Variants in SPTLC1 observed in about 807,000 individuals in gnomAD.
SPTLC1 encodes the protein serine palmitoyltransferase long chain base subunit 1.
SPTLC1 carries 55 observed loss-of-function variants against 68.9 expected under a neutral mutation model. That is an observed-to-expected ratio of 0.80 (90% CI 0.64 to 1.00). The LOEUF is 1.00. SPTLC1 is among the 50% of genes least tolerant of loss of function. The probability of loss-of-function intolerance (pLI) is 0.00; values close to 1 mark genes in which losing one functional copy is unlikely to be tolerated. For synonymous variants in SPTLC1, 197 were observed against 201.6 expected, an observed-to-expected ratio of 0.98 and a Z score of 0.19; for missense variants, 449 against 573.1, an observed-to-expected ratio of 0.78 and a Z score of 2.21.
intron 3 of SPTLC1, among the ~76,000 whole-genome samples, chr9:92,091,156 A>G (rs1420074391): frequency 6.6e-6 from 1 of 152,230 alleles, no homozygotes; most frequent in Non-Finnish European, 1.5e-5. Flanking sequence ...GGGAGGTAAA[A>G]TAATTTGACA....
chr9:92,098,517 A>T (rs1835624379), intron 3 of SPTLC1, among the ~76,000 whole-genome samples: 1 of 152,168 alleles, frequency 6.6e-6, no homozygotes, highest in Non-Finnish European at 1.5e-5. Context: ...ATTTTCTTGT[A>T]GTTTCTGCAA....
At position 92,047,602 on chromosome 9, in the gene SPTLC1, A is replaced by G; in HGVS notation, c.984+11T>C. ...TTTCAGTTTTAGCTCCTGTTTTTAA[A>G]AAGAACCCACCTGATGGTCAATTAC... On this transcript the variant is annotated intron_variant, in intron 10 of 14. Transcript: ENST00000262554. 6.3e-7 allele frequency: 1 copy of G among 1,596,846 alleles called. No individual in the cohort carries two copies. Among genetic ancestry groups the G allele is most frequent in the Non-Finnish European group, 8.6e-7 (1 of 1,165,426 alleles).
chr9:92,085,813 C>T (rs1225784941), intron 3 of SPTLC1, among the ~76,000 whole-genome samples: 6 of 151,876 alleles, frequency 4.0e-5, no homozygotes, highest in Non-Finnish European at 5.9e-5. Context: ...CTTTCTGTCT[C>T]GTTGATCTGT....
chr9:92,040,939 C>T (rs142406124), intron 12 of SPTLC1, among the ~76,000 whole-genome samples: 3 of 152,278 alleles, frequency 2.0e-5, no homozygotes, highest in African/African-American at 7.2e-5. Flanking sequence ...CAAACGGACA[C>T]AGTTATAGCT....
intron 12 of SPTLC1, among the ~76,000 whole-genome samples, chr9:92,040,737 G>A (rs1410436707): frequency 6.8e-6 from 1 of 147,876 alleles, no homozygotes. Context: ...CAGCCTGAGT[G>A]ACAGAGCAAG....
In SPTLC1 at chr9:92,032,507, A is replaced by G. The variant is rs774402643; in HGVS notation, c.1380T>C (p.Ala460=). The change falls in exon 15 of 15, where the codon GCT becomes GCC. Residue 460 remains alanine, a synonymous_variant. Transcript: ENST00000262554. ...VEQTEEELER[A]ASTIKEVAQA... is the part of the protein sequence containing the mutation. Reference sequence around the variant, plus strand: ...GGGCTACCTCCTTGATGGTGGACGCAGCTCTCTCCAGTTCTTCCTCTGTTT... The same window carrying G: ...GGGCTACCTCCTTGATGGTGGACGCGGCTCTCTCCAGTTCTTCCTCTGTTT... The G allele has an allele frequency of 6.2e-7, 1 of 1,614,094 alleles. No individual in the cohort carries two copies. Among genetic ancestry groups the G allele is most frequent in the Non-Finnish European group, 8.5e-7 (1 of 1,180,044 alleles).
Position 92,059,191 on chromosome 9 carries a change from G to A in SPTLC1, c.678C>T (p.Ile226=), listed in dbSNP as rs1047897717. The change falls in exon 7 of 15, where the codon ATC becomes ATT. Residue 226 remains isoleucine, a synonymous_variant. Transcript: ENST00000262554. ...DLERLLKEQE[I]EDQKNPRKAR... ...AAAAGAATCATACCTTTTGATCTTC[G>A]ATCTCTTGTTCTTTTAGTAGTCGCT... 7 of 1,613,390 alleles carry A rather than the reference G, an allele frequency of 4.3e-6. No homozygotes were observed. The South Asian group carries it at 4.4e-5, about 10-fold the overall frequency.
At chr9:92,057,186 T>A (rs1833922975) in intron 7 of SPTLC1, among the ~76,000 whole-genome samples, 1 of 152,224 alleles carries the variant, frequency 6.6e-6, no homozygotes, top group Non-Finnish European at 1.5e-5. Context: ...TCTAAATTAT[T>A]TCGGATTACA....
Position 92,080,976 on chromosome 9 carries a change from T to A in SPTLC1, c.261-13A>T, listed in dbSNP as rs199716784. The A allele has an allele frequency of 3.1e-6, 5 of 1,595,798 alleles. No individual in the cohort carries two copies. Among genetic ancestry groups the A allele is most frequent in the Non-Finnish European group, 4.3e-6 (5 of 1,163,554 alleles). ...GTGGCTTGGAGGGCTAGGGAAGAGA[T>A]AGAGTGGTACATGTCAATTACACAT... is the stretch of plus-strand genomic sequence containing the variant. On this transcript the variant is annotated splice_polypyrimidine_tract_variant and intron_variant, in intron 3 of 14. Coordinates refer to ENST00000262554, the MANE Select transcript of SPTLC1 (RefSeq NM_006415.4).
At chr9:92,060,128 G>A (rs1246676741) in intron 6 of SPTLC1, among the ~76,000 whole-genome samples, 4 of 152,150 alleles carry the variant, frequency 2.6e-5, no homozygotes, top group Non-Finnish European at 5.9e-5. Context: ...AATGGAGGCC[G>A]AGTAGGGCCC....
At chr9:92,065,486 C>G (rs946855916) in intron 6 of SPTLC1, among the ~76,000 whole-genome samples, 1 of 151,890 alleles carries the variant, frequency 6.6e-6, no homozygotes, top group Non-Finnish European at 1.5e-5. Flanking sequence ...GGGCATAACA[C>G]ATGGAAGTGA....
intron 4 of SPTLC1, 36 bp downstream of exon 4, chr9:92,080,834 T>G: frequency 2.0e-6 from 3 of 1,494,678 alleles, no homozygotes; most frequent in Non-Finnish European, 2.8e-6. Context: ...AAATCAGTAA[T>G]GTTATCTGTC....
At chr9:92,037,864 T>G (rs3847308) in intron 13 of SPTLC1, among the ~76,000 whole-genome samples, 81,262 of 152,088 alleles carry the variant, frequency 0.53, 24,875 homozygotes, top group African/African-American at 0.85. Flanking sequence ...GAATGTGTGC[T>G]ATGCCCACAC....
chr9:92,115,390 G>A lies in SPTLC1; in HGVS notation c.-20C>T. On this transcript the variant is annotated 5_prime_UTR_variant, in exon 1 of 15. Transcript: ENST00000262554. ...CGCCATAGTTAGCCGCTTCCTTCCG[G>A]AAGGCGGGTCACAAGCGCGTCCCAA... The A allele has an allele frequency of 7.4e-6, 12 of 1,612,964 alleles. No homozygotes were observed. Among genetic ancestry groups the A allele is most frequent in the Non-Finnish European group, 1.0e-5 (12 of 1,179,734 alleles).
chr9:92,053,816 T>C (rs1166687469), intron 8 of SPTLC1: 6 of 355,854 alleles, frequency 1.7e-5, no homozygotes, highest in African/African-American at 2.2e-5. Context: ...TCGTGAGTCA[T>C]GAAAAGGTTT....
intron 5 of SPTLC1, among the ~76,000 whole-genome samples, chr9:92,077,774 C>A (rs1437670323): frequency 6.6e-6 from 1 of 152,158 alleles, no homozygotes; most frequent in African/African-American, 2.4e-5. Context: ...CGTGGTGTCA[C>A]CCTCAAGCTG....
intron 5 of SPTLC1, among the ~76,000 whole-genome samples, chr9:92,073,240 C>T (rs1564100374): frequency 6.6e-6 from 1 of 152,206 alleles, no homozygotes; most frequent in Non-Finnish European, 1.5e-5. Context: ...CAAATATATA[C>T]AAGAATTCCA....
intron 3 of SPTLC1, among the ~76,000 whole-genome samples, chr9:92,082,421 G>A (rs1363706203): frequency 8.0e-6 from 1 of 124,782 alleles, no homozygotes; most frequent in Non-Finnish European, 1.6e-5. Flanking sequence ...CCCAGAGTGT[G>A]ATGTTCCCCT....
At chr9:92,082,799 CCT>C (rs1230629358) in intron 3 of SPTLC1, among the ~76,000 whole-genome samples, 2 of 150,950 alleles carry the variant, frequency 1.3e-5, no homozygotes, top group African/African-American at 4.9e-5. Context: ...GTTCTAGATC[CCT>C]GAGGAATCGC....
Sources: allele counts gnomAD v4.1 joint callset (sites outside exome capture counted in the v4.1 genomes callset), GRCh38; gene constraint gnomAD v4.1.1; transcripts MANE v1.5; gene names NCBI Gene and HGNC (gene_info 2026-07-23, HGNC 2026-07-21).